AGAP1: variants seen among roughly 807,000 people sequenced by gnomAD.
AGAP1 encodes the protein ArfGAP with GTPase domain, ankyrin repeat and PH domain 1.
A neutral mutation model predicts 105.3 loss-of-function variants in AGAP1; 29 were observed. The ratio of observed to expected loss-of-function variants is 0.28; its 90% CI spans 0.21 to 0.38. The LOEUF (loss-of-function observed/expected upper bound fraction) is 0.38. AGAP1 is among the 10% of genes least tolerant of loss of function. AGAP1 has a pLI of 1.00. For missense variants in AGAP1, 998 were observed against 1,165.1 expected, an observed-to-expected ratio of 0.86 and a Z score of 2.09; for synonymous variants, 509 against 485.9, an observed-to-expected ratio of 1.05 and a Z score of -0.63.
At chr2:235,572,631 GCTAAAA>G (rs1944566485) in intron 1 of AGAP1, among the ~76,000 whole-genome samples, 1 of 152,144 alleles carries the variant, frequency 6.6e-6, no homozygotes, top group Non-Finnish European at 1.5e-5. Context: ...TTCTGCCCCA[GCTAAAA>G]TCTCACCTCT....
intron 1 of AGAP1, among the ~76,000 whole-genome samples, chr2:235,634,667 T>G (rs1334050591): frequency 6.6e-6 from 1 of 152,198 alleles, no homozygotes; most frequent in Non-Finnish European, 1.5e-5. Flanking sequence ...ACATTCCATT[T>G]TAGAGAGGCT....
chr2:235,880,957 C>T (rs1042072478), intron 9 of AGAP1, among the ~76,000 whole-genome samples: 1 of 152,152 alleles, frequency 6.6e-6, no homozygotes, highest in African/African-American at 2.4e-5. Context: ...CTGTGGGCTT[C>T]ATTGGGTTGA....
At chr2:235,671,953 A>G (rs1181259497) in intron 1 of AGAP1, among the ~76,000 whole-genome samples, 1 of 152,162 alleles carries the variant, frequency 6.6e-6, no homozygotes, top group African/African-American at 2.4e-5. Context: ...CTGGGGGTGG[A>G]AGTGGTGCTA....
At chr2:235,775,576 T>G (rs1004263311) in intron 6 of AGAP1, 12 of 152,178 alleles carry the variant, frequency 7.9e-5, no homozygotes, top group African/African-American at 2.9e-4. Context: ...AGATAAAGCC[T>G]TAATAATTCA....
chr2:235,713,482 T>A (rs1222635311), intron 2 of AGAP1, among the ~76,000 whole-genome samples: 1 of 152,248 alleles, frequency 6.6e-6, no homozygotes, highest in African/African-American at 2.4e-5. Context: ...ACTCGGCCCG[T>A]GCTCTTGAGC....
intron 3 of AGAP1, among the ~76,000 whole-genome samples, chr2:235,726,588 C>T (rs539505160): frequency 5.6e-4 from 86 of 152,318 alleles, no homozygotes; most frequent in African/African-American, 7.5e-4. Context: ...CTGCTCCTCC[C>T]GTCTGCCCAT....
intron 9 of AGAP1, among the ~76,000 whole-genome samples, chr2:235,847,233 G>C (rs764281573): frequency 9.9e-5 from 15 of 152,204 alleles, no homozygotes. Context: ...AGATGGTTTG[G>C]TTCAGAAAAA....
chr2:235,881,759 A>C (rs948749901), intron 9 of AGAP1, among the ~76,000 whole-genome samples: 1 of 152,260 alleles, frequency 6.6e-6, no homozygotes, highest in African/African-American at 2.4e-5. Flanking sequence ...TGTTAAAACA[A>C]GAAGAAATTC....
At position 235,919,653 on chromosome 2, in the gene AGAP1, C is replaced by T. The variant is rs758560122; in HGVS notation, c.1324+10747C>T. On this transcript the variant is annotated intron_variant, in intron 11 of 17. Transcript: ENST00000304032. This position sits in a 1 kb window ranked among gnomAD's most constrained non-coding sequence, Gnocchi z 4.1. ...GGGGACTGTAAAATTCAGAGATGAC[C>T]GGGGAACGCTCCCCTCAAAACAGTG... 5.3e-5 allele frequency among the ~76,000 whole-genome samples: 8 copies of T among 151,984 alleles called. No homozygotes were observed. Among genetic ancestry groups the T allele is most frequent in the East Asian group, 1.9e-4 (1 of 5,186 alleles).
Position 235,750,215 on chromosome 2 carries a change from G to C in AGAP1, c.539-139G>C, listed in dbSNP as rs949507337. The stretch of plus-strand genomic sequence containing the variant: ...TGAGTCTCTTAGTTGGGAGGCAAAC[G>C]ATGCTCTACAATTCCAGATTCATAA... On this transcript the variant is annotated intron_variant, in intron 5 of 17. Transcript: ENST00000304032. The surrounding 1 kb of genome is among the most constrained non-coding windows in gnomAD (Gnocchi z 5.3). The C allele has an allele frequency of 1.0e-5, 13 of 1,243,908 alleles. No individual in the cohort carries two copies. Among genetic ancestry groups the C allele is most frequent in the Non-Finnish European group, 1.5e-5 (13 of 886,366 alleles). 77.1% of individuals were successfully genotyped at this position (1,243,908 alleles called of 1,614,324 possible). A position where few individuals can be genotyped will look rare whatever the true frequency, so the allele number is the denominator to read the frequency against.
In AGAP1 at chr2:236,058,489, A is replaced by C. The variant is rs1279486594; in HGVS notation, c.2114+9208A>C. On this transcript the variant is annotated intron_variant, in intron 16 of 17. Transcript: ENST00000304032. This position sits in a 1 kb window ranked among gnomAD's most constrained non-coding sequence, Gnocchi z 4.6. ...AGAGAGAAGAAAACATAATCTTTTCAAGGGATACAGAAAATACATTTGACA... is the reference window on the plus strand; with the variant it reads ...AGAGAGAAGAAAACATAATCTTTTCCAGGGATACAGAAAATACATTTGACA... Among the ~76,000 whole-genome samples, 2 of 152,230 alleles carry C rather than the reference A, an allele frequency of 1.3e-5. No homozygotes were observed. Among genetic ancestry groups the C allele is most frequent in the African/African-American group, 4.8e-5 (2 of 41,458 alleles).
Position 235,732,309 on chromosome 2 carries a change from T to C in AGAP1, c.311-8654T>C, listed in dbSNP as rs1375190182. On this transcript the variant is annotated intron_variant, in intron 3 of 17. Coordinates refer to ENST00000304032, the MANE Select transcript of AGAP1 (RefSeq NM_001037131.3). This position sits in a 1 kb window ranked among gnomAD's most constrained non-coding sequence, Gnocchi z 4.8. ...GTCTGTTTCAAGCCATTCCTCTGTG[T>C]CAGAAACTCAGCTTTCAGCCTTGTC... Among the ~76,000 whole-genome samples, 1 of 152,234 alleles carries C rather than the reference T, an allele frequency of 6.6e-6. No individual in the cohort carries two copies. Among genetic ancestry groups the C allele is most frequent in the Non-Finnish European group, 1.5e-5 (1 of 68,046 alleles).
intron 1 of AGAP1, among the ~76,000 whole-genome samples, chr2:235,587,437 G>A (rs571876324): frequency 2.0e-4 from 30 of 152,240 alleles, no homozygotes; most frequent in African/African-American, 6.0e-4. Context: ...TTGAAGGACC[G>A]GAAATGCATC....
intron 1 of AGAP1, among the ~76,000 whole-genome samples, chr2:235,667,958 TCAA>T (rs1390437500): frequency 2.2e-5 from 1 of 45,460 alleles, no homozygotes; most frequent in African/African-American, 1.5e-4. Flanking sequence ...AGCCTCTGTC[TCAA>T]AAAAAAAAAA....
intron 16 of AGAP1, among the ~76,000 whole-genome samples, chr2:236,070,552 A>G (rs1422361882): frequency 6.6e-6 from 1 of 152,266 alleles, no homozygotes. Context: ...TAAAATGTCT[A>G]TCCACCAATG....
intron 9 of AGAP1, among the ~76,000 whole-genome samples, chr2:235,848,055 C>T (rs1961716278): frequency 6.6e-6 from 1 of 152,228 alleles, no homozygotes; most frequent in Non-Finnish European, 1.5e-5. Flanking sequence ...TTTCTAGGCA[C>T]TGCTTGGTTT....
At position 235,824,013 on chromosome 2, in the gene AGAP1, C is replaced by T. The variant is rs1958940713; in HGVS notation, c.1050+16682C>T. On this transcript the variant is annotated intron_variant, in intron 9 of 17. Coordinates refer to ENST00000304032, the MANE Select transcript of AGAP1 (RefSeq NM_001037131.3). The surrounding 1 kb of genome is among the most constrained non-coding windows in gnomAD (Gnocchi z 5.2). ...AAGATTCAAACCCAGGTCTGCCTAT[C>T]CTAAAACCAGTGGTCTTCACATTGA... Among the ~76,000 whole-genome samples the T allele has an allele frequency of 6.6e-6, 1 of 152,216 alleles. No individual in the cohort carries two copies. The highest frequency in any genetic ancestry group is 1.5e-5 in the Non-Finnish European group (1 of 68,046).
intron 8 of AGAP1, among the ~76,000 whole-genome samples, chr2:235,803,813 G>T (rs1957703584): frequency 6.6e-6 from 1 of 152,024 alleles, no homozygotes; most frequent in African/African-American, 2.4e-5. Context: ...TTTGCAGTAG[G>T]AATTCTACTT....
rs1421505020 is a variant in AGAP1, at chr2:235,865,835, C to T, written c.1051-17510C>T. ...GTCATCTCCTTTTACCAAAATTTAC[C>T]TCCCAGCATCGTGGATGTGAATTTG... is the stretch of plus-strand genomic sequence containing the variant. On this transcript the variant is annotated intron_variant, in intron 9 of 17. Coordinates refer to ENST00000304032, the MANE Select transcript of AGAP1 (RefSeq NM_001037131.3). The surrounding 1 kb of genome is among the most constrained non-coding windows in gnomAD (Gnocchi z 6.2). Among the ~76,000 whole-genome samples, 7 of 152,164 alleles carry T rather than the reference C, an allele frequency of 4.6e-5. No individual in the cohort carries two copies. The highest frequency in any genetic ancestry group is 1.0e-4 in the Non-Finnish European group (7 of 68,032).
Sources: allele counts gnomAD v4.1 joint callset (sites outside exome capture counted in the v4.1 genomes callset), GRCh38; gene constraint gnomAD v4.1.1; non-coding constraint Gnocchi (gnomAD v3.1); transcripts MANE v1.5; gene names NCBI Gene and HGNC (gene_info 2026-07-23, HGNC 2026-07-21).